Variants in KCNAB2 observed in about 807,000 individuals in gnomAD.
KCNAB2 encodes the protein voltage-gated potassium channel subunit beta-2.
KCNAB2 carries 29 observed loss-of-function variants against 63.6 expected under a neutral mutation model. The ratio of observed to expected loss-of-function variants is 0.46; its 90% CI spans 0.34 to 0.62. The LOEUF is 0.62. KCNAB2 is among the 20% of genes least tolerant of loss of function. KCNAB2 has a pLI of 0.01. For synonymous variants in KCNAB2, 222 were observed against 224.2 expected, an observed-to-expected ratio of 0.99 and a Z score of 0.09; for missense variants, 359 against 563.9, an observed-to-expected ratio of 0.64 and a Z score of 3.68.
In KCNAB2 at chr1:6,003,840, C is replaced by T. The variant is rs1570821462; in HGVS notation, c.-53+11052C>T. ...TATGTGATTGCAGAGGCATGGCTGG[C>T]CCCAGCTTGCAGCGGTCGCTTCTGC... On this transcript the variant is annotated intron_variant, in intron 1 of 16. Transcript: ENST00000341524. The surrounding 1 kb of genome is among the most constrained non-coding windows in gnomAD (Gnocchi z 4.1). Among the ~76,000 whole-genome samples the T allele has an allele frequency of 2.0e-5, 3 of 152,348 alleles. No individual in the cohort carries two copies. Among genetic ancestry groups the T allele is most frequent in the African/African-American group, 4.8e-5 (2 of 41,582 alleles).
intron 1 of KCNAB2, among the ~76,000 whole-genome samples, chr1:6,046,882 T>C (rs1275898228): frequency 2.0e-5 from 3 of 152,200 alleles, no homozygotes; most frequent in Non-Finnish European, 4.4e-5. Flanking sequence ...ATTCAGAAAT[T>C]CCAGGTAGAG....
At chr1:6,000,083 G>C (rs994068986) in intron 1 of KCNAB2, among the ~76,000 whole-genome samples, 1 of 152,092 alleles carries the variant, frequency 6.6e-6, no homozygotes, top group Non-Finnish European at 1.5e-5. Flanking sequence ...CCTGCACTCT[G>C]TCTGTGCCCC....
chr1:6,013,408 G>A (rs1168114995), intron 1 of KCNAB2, among the ~76,000 whole-genome samples: 1 of 152,136 alleles, frequency 6.6e-6, no homozygotes, highest in Non-Finnish European at 1.5e-5. Context: ...CAGCATCCCA[G>A]GTAGAGGGAT....
At position 6,028,212 on chromosome 1, in the gene KCNAB2, C is replaced by T. The variant is rs541751618; in HGVS notation, c.-52-12305C>T. Among the ~76,000 whole-genome samples, 73 of 152,326 alleles carry T rather than the reference C, an allele frequency of 4.8e-4. No individual in the cohort carries two copies. The highest frequency in any genetic ancestry group is 1.5e-3 in the African/African-American group (64 of 41,574). ...GGGAAGGAATGGGCTCCTGTGTGGG[C>T]TCCTGGCTTCTGGGTGAGAGGGGAA... is the stretch of plus-strand genomic sequence containing the variant. On this transcript the variant is annotated intron_variant, in intron 1 of 16. Coordinates refer to the KCNAB2 transcript ENST00000341524. This position sits in a 1 kb window ranked among gnomAD's most constrained non-coding sequence, Gnocchi z 4.0.
chr1:6,093,848 G>C (rs897334062), intron 10 of KCNAB2, among the ~76,000 whole-genome samples: 1 of 152,180 alleles, frequency 6.6e-6, no homozygotes, highest in Non-Finnish European at 1.5e-5. Context: ...CCTATTCTCC[G>C]GGACCATATG....
chr1:6,068,330 A>AG (rs950205506), intron 2 of KCNAB2, among the ~76,000 whole-genome samples: 1 of 152,194 alleles, frequency 6.6e-6, no homozygotes, highest in Admixed American at 6.5e-5. Flanking sequence ...AGGGCAGTGA[A>AG]GGGGGGTGTT....
intron 1 of KCNAB2, among the ~76,000 whole-genome samples, chr1:6,051,161 T>C (rs1661349020): frequency 6.6e-6 from 1 of 152,182 alleles, no homozygotes; most frequent in South Asian, 2.1e-4. Flanking sequence ...CTTCAGCATT[T>C]GGGGGGCTCA....
intron 1 of KCNAB2, among the ~76,000 whole-genome samples, chr1:6,029,200 T>C (rs1659413091): frequency 6.6e-6 from 1 of 151,428 alleles, no homozygotes; most frequent in Non-Finnish European, 1.5e-5. Flanking sequence ...GGAGACTTGC[T>C]TGAACCCAGG....
upstream of KCNAB2, among the ~76,000 whole-genome samples, chr1:6,045,220 T>C (rs952146698): frequency 6.6e-6 from 1 of 152,122 alleles, no homozygotes; most frequent in African/African-American, 2.4e-5. The surrounding 1 kb of genome is among the most constrained non-coding windows in gnomAD (Gnocchi z 4.8). Flanking sequence ...TCATTCATCA[T>C]GGGGGGACGG....
chr1:6,023,799 G>T (rs982926732), intron 1 of KCNAB2, among the ~76,000 whole-genome samples: 1 of 152,048 alleles, frequency 6.6e-6, no homozygotes, highest in African/African-American at 2.4e-5. Context: ...ATAGAGGTGG[G>T]TCTTCTTATG....
intron 1 of KCNAB2, among the ~76,000 whole-genome samples, chr1:6,039,634 G>A (rs565853030): frequency 6.6e-6 from 1 of 152,124 alleles, no homozygotes; most frequent in East Asian, 1.9e-4. Context: ...TGGGTCTGCT[G>A]TTTTGGGACC....
chr1:6,100,045 C>A lies in KCNAB2; in HGVS notation c.*1471C>A, dbSNP rs1402886063. On this transcript the variant is annotated 3_prime_UTR_variant, in exon 16 of 16. Coordinates refer to ENST00000378083, the MANE Select transcript of KCNAB2 (RefSeq NM_001199862.2). ...TCCATAGGGAAGCCTGTGTCTCCTG[C>A]CCCCAGGGCGCACCCTCAGTGCAGG... The A allele has an allele frequency of 6.6e-7, 1 of 1,506,460 alleles. No homozygotes were observed. The highest frequency in any genetic ancestry group is 8.9e-7 in the Non-Finnish European group (1 of 1,125,378). 93.3% of individuals were successfully genotyped at this position (1,506,460 alleles called of 1,614,324 possible).
intron 1 of KCNAB2, among the ~76,000 whole-genome samples, chr1:6,010,543 C>A (rs1391178862): frequency 6.6e-6 from 1 of 152,266 alleles, no homozygotes; most frequent in Admixed American, 6.5e-5. Flanking sequence ...CTGAACAGCC[C>A]TGGATGAGCC....
chr1:6,057,258 G>A (rs1242548371), intron 2 of KCNAB2, among the ~76,000 whole-genome samples: 1 of 151,908 alleles, frequency 6.6e-6, no homozygotes, highest in Non-Finnish European at 1.5e-5. Flanking sequence ...CTGATTTCCT[G>A]TGCTTTCTGA....
intron 1 of KCNAB2, among the ~76,000 whole-genome samples, chr1:6,021,340 A>G (rs898909601): frequency 1.3e-5 from 2 of 152,226 alleles, no homozygotes; most frequent in Non-Finnish European, 2.9e-5. Flanking sequence ...TGGCTTAAAC[A>G]CATACACCCA....
At chr1:6,093,080 G>A (rs1460360959) in intron 10 of KCNAB2, among the ~76,000 whole-genome samples, 1 of 152,204 alleles carries the variant, frequency 6.6e-6, no homozygotes, top group East Asian at 1.9e-4. Flanking sequence ...CCATTCCAGG[G>A]GGGAGCCTGC....
intron 1 of KCNAB2, among the ~76,000 whole-genome samples, chr1:6,014,570 T>C (rs556102655): frequency 6.6e-6 from 1 of 152,302 alleles, no homozygotes; most frequent in African/African-American, 2.4e-5. Flanking sequence ...CCTGCGTGGC[T>C]CGGCCAGCTG....
At chr1:6,030,303 GGT>G (rs1659493339), upstream of KCNAB2, among the ~76,000 whole-genome samples, 1 of 152,204 alleles carries the variant, frequency 6.6e-6, no homozygotes, top group Admixed American at 6.5e-5. Context: ...TATGTAGCAG[GGT>G]GGACTGGGGC....
intron 1 of KCNAB2, among the ~76,000 whole-genome samples, chr1:6,048,835 G>T (rs963151420): frequency 1.3e-5 from 2 of 152,208 alleles, no homozygotes; most frequent in Non-Finnish European, 2.9e-5. Context: ...CCTGCCACGC[G>T]CATGGAGGGA....
Sources: allele counts gnomAD v4.1 joint callset (sites outside exome capture counted in the v4.1 genomes callset), GRCh38; gene constraint gnomAD v4.1.1; non-coding constraint Gnocchi (gnomAD v3.1); transcripts MANE v1.5; gene names NCBI Gene and HGNC (gene_info 2026-07-23, HGNC 2026-07-21).